ANKRD11: variants seen among roughly 807,000 people sequenced by gnomAD.
ANKRD11 encodes ankyrin repeat domain-containing protein 11.
A neutral mutation model predicts 195.7 loss-of-function variants in ANKRD11; 17 were observed. The ratio of observed to expected loss-of-function variants is 0.09; its 90% confidence interval spans 0.06 to 0.13. ANKRD11 has a LOEUF of 0.13. Among genes scored for constraint, ANKRD11 ranks in the 10% least tolerant of loss-of-function variants. The probability of loss-of-function intolerance (pLI) is 1.00; values close to 1 mark genes in which losing one functional copy is unlikely to be tolerated. For synonymous variants in ANKRD11, 1,953 were observed against 1,528.1 expected (o/e 1.28, Z -6.49); for missense variants, 3,735 against 3,566.1 (o/e 1.05, Z -1.21).
chr16:89,428,677 C>T (rs1395272770), intron 1 of ANKRD11, among the ~76,000 whole-genome samples: 4 of 151,654 alleles, frequency 2.6e-5, no homozygotes, highest in Non-Finnish European at 5.9e-5. Flanking sequence ...GGATGGATCA[C>T]GAAGTCAGGA....
intron 2 of ANKRD11, among the ~76,000 whole-genome samples, chr16:89,405,490 C>CT (rs1567758823): frequency 5.1e-4 from 72 of 141,058 alleles, no homozygotes; most frequent in African/African-American, 1.9e-3. Context: ...ACACCTGGCT[C>CT]ATTTTTTTTT....
At chr16:89,446,101 T>C (rs1345305794) in intron 1 of ANKRD11, among the ~76,000 whole-genome samples, 1 of 150,838 alleles carries the variant, frequency 6.6e-6, no homozygotes, top group Admixed American at 6.6e-5. Context: ...AGAACCACCA[T>C]CTTTAAAAAA....
intron 2 of ANKRD11, among the ~76,000 whole-genome samples, chr16:89,344,809 C>T (rs544808225): frequency 6.6e-5 from 10 of 152,294 alleles, no homozygotes; most frequent in African/African-American, 2.4e-4. Flanking sequence ...GCAGCAGCTC[C>T]CACCCAATAG....
chr16:89,478,293 C>A (rs980243844), intron 1 of ANKRD11, among the ~76,000 whole-genome samples: 4 of 152,022 alleles, frequency 2.6e-5, no homozygotes, highest in African/African-American at 9.7e-5. Context: ...GCACGTCGGA[C>A]TATCACCCTA....
intron 2 of ANKRD11, among the ~76,000 whole-genome samples, chr16:89,359,107 T>C (rs1280242611): frequency 2.0e-5 from 3 of 152,080 alleles, no homozygotes; most frequent in Non-Finnish European, 4.4e-5. Flanking sequence ...TATTCCAAAA[T>C]ATATAAAACA....
Position 89,282,020 on chromosome 16 carries a change from C to G in ANKRD11, c.4522G>C (p.Asp1508His). 6.2e-7 allele frequency: 1 copy of G among 1,613,508 alleles called. No homozygotes were observed. Among genetic ancestry groups the G allele is most frequent in the Non-Finnish European group, 8.5e-7 (1 of 1,180,018 alleles). The change falls in exon 9 of 13, where the codon GAC (aspartate) becomes CAC (histidine). Residue 1508 changes from aspartate (D) to histidine (H), a missense_variant. Physicochemically the swap from Asp to His is moderately conservative, Grantham distance 81. Coordinates refer to ENST00000301030, the MANE Select transcript of ANKRD11 (RefSeq NM_013275.6). The stretch of plus-strand genomic sequence containing the variant: ...TCTTTGAGCACGCGGGGCGGGCTGT[C>G]CTTGTCCCTGGTGGCGGGCTTCTGC... ...DEQKPATRDK[D>H]SPPRVLKDKS...
chr16:89,414,865 C>A (rs2042231893), intron 2 of ANKRD11, among the ~76,000 whole-genome samples: 1 of 152,256 alleles, frequency 6.6e-6, no homozygotes, highest in East Asian at 1.9e-4. Context: ...CAACGGCTCA[C>A]ATTCCACCCC....
chr16:89,386,506 G>A (rs187455178), intron 2 of ANKRD11, among the ~76,000 whole-genome samples: 2 of 152,314 alleles, frequency 1.3e-5, no homozygotes, highest in East Asian at 3.9e-4. Flanking sequence ...ACAGCATGAG[G>A]GTGTGGGGGA....
chr16:89,415,396 C>G (rs1247867807), intron 2 of ANKRD11, among the ~76,000 whole-genome samples: 1 of 150,256 alleles, frequency 6.7e-6, no homozygotes, highest in Non-Finnish European at 1.5e-5. Flanking sequence ...TCCCGAGTAG[C>G]TGGGACTACA....
chr16:89,378,292 C>T (rs955638914), intron 2 of ANKRD11, among the ~76,000 whole-genome samples: 1 of 152,140 alleles, frequency 6.6e-6, no homozygotes, highest in African/African-American at 2.4e-5. Context: ...ATTAAATACT[C>T]GGGGTATAAA....
chr16:89,312,369 C>G (rs1368372726), intron 3 of ANKRD11, among the ~76,000 whole-genome samples: 1 of 151,946 alleles, frequency 6.6e-6, no homozygotes, highest in Non-Finnish European at 1.5e-5. Flanking sequence ...GTGTGTTCTA[C>G]AGAGAGGAAT....
intron 1 of ANKRD11, among the ~76,000 whole-genome samples, chr16:89,455,767 T>C (rs2056408092): frequency 6.6e-6 from 1 of 152,210 alleles, no homozygotes; most frequent in African/African-American, 2.4e-5. Flanking sequence ...CTGTACATTT[T>C]GACCTATCTG....
chr16:89,271,092 A>C, intron 11 of ANKRD11, 183 bp from the exon 12 acceptor site: 1 of 659,270 alleles, frequency 1.5e-6, no homozygotes. Context: ...CATCTCCCTA[A>C]ACAGCCTCCC....
chr16:89,371,571 G>A (rs910482068), intron 2 of ANKRD11, among the ~76,000 whole-genome samples: 2 of 152,176 alleles, frequency 1.3e-5, no homozygotes, highest in African/African-American at 4.8e-5. Context: ...GCTGCAGGAA[G>A]GTCCAGGCAG....
chr16:89,401,884 G>A (rs971434932), intron 2 of ANKRD11, among the ~76,000 whole-genome samples: 1 of 151,888 alleles, frequency 6.6e-6, no homozygotes, highest in Non-Finnish European at 1.5e-5. Context: ...AACCCGCCGG[G>A]CACACCAGAG....
intron 2 of ANKRD11, among the ~76,000 whole-genome samples, chr16:89,404,276 A>G (rs1286215532): frequency 6.6e-6 from 1 of 152,200 alleles, no homozygotes; most frequent in Non-Finnish European, 1.5e-5. Flanking sequence ...CCAAGGCACT[A>G]AATCACCAGC....
At position 89,280,667 on chromosome 16, in the gene ANKRD11, C is replaced by A. The variant is rs372148958; in HGVS notation, c.5875G>T (p.Ala1959Ser). ...EWAHPSEQAL[A>S]SSLIGGTSEN... ...GAGGTGCCCCCGATCAGGCTAGAGG[C>A]AAGCGCCTGCTCGGAGGGGTGGGCC... is the stretch of plus-strand genomic sequence containing the variant. The change falls in exon 9 of 13, where the codon GCC becomes TCC. Residue 1959 changes from alanine to serine, a missense_variant. By Grantham distance (99) the Ala-to-Ser change is moderately conservative (BLOSUM62 1). Coordinates refer to ENST00000301030, the MANE Select transcript of ANKRD11 (RefSeq NM_013275.6). 6.2e-6 allele frequency: 10 copies of A among 1,613,414 alleles called. No homozygotes were observed. The Admixed American group carries it at 8.3e-5, about 13-fold the overall frequency.
intron 6 of ANKRD11, among the ~76,000 whole-genome samples, chr16:89,289,805 C>G (rs1322672450): frequency 6.6e-6 from 1 of 152,234 alleles, no homozygotes; most frequent in Non-Finnish European, 1.5e-5. Flanking sequence ...CTTTGGGAAG[C>G]CAAGGCGTGA....
chr16:89,300,124 G>C (rs530814157), intron 4 of ANKRD11: 141 of 218,268 alleles, frequency 6.5e-4, no homozygotes, highest in African/African-American at 3.7e-3. Context: ...GGGTGCGTGC[G>C]GTCTGTGCCC....
Sources: allele counts gnomAD v4.1 joint callset (sites outside exome capture counted in the v4.1 genomes callset), GRCh38; gene constraint gnomAD v4.1.1; transcripts MANE v1.5; gene names NCBI Gene and HGNC (gene_info 2026-07-23, HGNC 2026-07-21).